The following CEP290 variants were observed in gnomAD, a reference collection of about 807,000 sequenced individuals.
CEP290 encodes the protein centrosomal protein of 290 kDa.
A neutral mutation model predicts 344.9 loss-of-function variants in CEP290; 317 were observed. The observed-to-expected ratio is 0.92, with a 90% CI of 0.84 to 1.01. The LOEUF is 1.01. CEP290 is among the 50% of genes least tolerant of loss of function. CEP290 has a pLI of 0.00. For missense variants in CEP290, 2,754 were observed against 2,761.4 expected (o/e 1.00, Z 0.06); for synonymous variants, 932 against 895.8 (o/e 1.04, Z -0.72).
Position 88,080,206 on chromosome 12 carries a change from T to C in CEP290, c.5202A>G (p.Leu1734=). ...CTTTCTGTTGTTTCTCCTTCAAGGCTAATTGGCTCTTTAGCCGTTCTACTA... is the reference window on the plus strand; with the variant it reads ...CTTTCTGTTGTTTCTCCTTCAAGGCCAATTGGCTCTTTAGCCGTTCTACTA... The part of the protein sequence containing the change: ...RNLVERLKSQ[L]ALKEKQQKAL... Residue 1734 remains leucine (L), a synonymous_variant, in exon 38 of 54, where the codon TTA becomes TTG. Coordinates refer to ENST00000552810, the MANE Select transcript of CEP290 (RefSeq NM_025114.4). The C allele has an allele frequency of 6.2e-7, 1 of 1,610,092 alleles. No homozygotes were observed. The highest frequency in any genetic ancestry group is 8.5e-7 in the Non-Finnish European group (1 of 1,177,766).
At chr12:88,127,792 A>C (rs1374646505) in intron 11 of CEP290, among the ~76,000 whole-genome samples, 1 of 152,220 alleles carries the variant, frequency 6.6e-6, no homozygotes, top group Non-Finnish European at 1.5e-5. Context: ...AACAGTTTAC[A>C]ACCCCAAAAT....
chr12:88,118,393 A>G (rs900488664), intron 17 of CEP290, 90 bp downstream of exon 17: 1 of 1,039,274 alleles, frequency 9.6e-7, no homozygotes, highest in Non-Finnish European at 1.4e-6. Flanking sequence ...ACAATAGAAC[A>G]GCAAAAACAG....
At chr12:88,094,107 C>G (rs575308080) in intron 27 of CEP290, 132 bp from the exon 28 acceptor site, 5 of 659,664 alleles carry the variant, frequency 7.6e-6, no homozygotes, top group African/African-American at 7.3e-5. Context: ...TCCATCAGAC[C>G]TGGACTCTAA....
At chr12:88,090,553 C>A (rs1465860066) in intron 30 of CEP290, among the ~76,000 whole-genome samples, 175 bp downstream of exon 30, 1 of 152,126 alleles carries the variant, frequency 6.6e-6, no homozygotes, top group Non-Finnish European at 1.5e-5. Flanking sequence ...TCACCTGAAC[C>A]CAGGTGGTGA....
chr12:88,077,077 T>C, intron 41 of CEP290, 145 bp downstream of exon 41: 1 of 702,410 alleles, frequency 1.4e-6, no homozygotes, highest in Non-Finnish European at 2.1e-6. Flanking sequence ...CGTTATTCAA[T>C]ACTGCTTATA....
chr12:88,050,031 A>T (rs2136559033), intron 53 of CEP290: 2 of 205,672 alleles, frequency 9.7e-6, no homozygotes, highest in South Asian at 1.9e-4. Flanking sequence ...GGGAACTATA[A>T]CCTTAGGATT....
At position 88,117,092 on chromosome 12, in the gene CEP290, T is replaced by A. The variant is rs770829686; in HGVS notation, c.1765A>T (p.Ile589Leu). The change falls in exon 18 of 54, where the codon ATA (isoleucine) becomes TTA (leucine). Residue 589 changes from isoleucine (I) to leucine (L), a missense_variant. Coordinates refer to ENST00000552810, the MANE Select transcript of CEP290 (RefSeq NM_025114.4). The stretch of plus-strand genomic sequence containing the variant: ...AATAAATCCAATTTTCTTTCACTTA[T>A]TCTATCTCCTTGAGAAATGTTTTCA... Reference protein sequence around the residue: ...LTENISQGDRISERKLDLLSL... With the variant: ...LTENISQGDRLSERKLDLLSL... 2.0e-5 allele frequency: 31 copies of A among 1,562,036 alleles called. No homozygotes were observed. Among genetic ancestry groups the A allele is most frequent in the African/African-American group, 2.7e-5 (2 of 73,870 alleles).
chr12:88,057,335 G>T (rs2136680561), intron 49 of CEP290, among the ~76,000 whole-genome samples: 1 of 152,244 alleles, frequency 6.6e-6, no homozygotes, highest in South Asian at 2.1e-4. Context: ...CCAACATAAA[G>T]CAGAGTCTGG....
Position 88,129,891 on chromosome 12 carries a change from G to T in CEP290, c.670-15C>A. On this transcript the variant is annotated splice_polypyrimidine_tract_variant and intron_variant, in intron 9 of 53. Coordinates refer to ENST00000552810, the MANE Select transcript of CEP290 (RefSeq NM_025114.4). ...TCTGTTAAAGTCTAAAAAAGTTAAA[G>T]ACACTATAATTAAAAAGTAATTTTA... is the stretch of plus-strand genomic sequence containing the variant. 7.3e-7 allele frequency: 1 copy of T among 1,369,730 alleles called. No homozygotes were observed. The highest frequency in any genetic ancestry group is 1.5e-5 in the South Asian group (1 of 66,032). 84.8% of individuals were successfully genotyped at this position (1,369,730 alleles called of 1,614,324 possible).
rs767184164 is a variant in CEP290 at position 88,131,154 on chromosome 12, A to C, written c.495+11T>G. On this transcript the variant is annotated intron_variant, in intron 7 of 53. Coordinates refer to ENST00000552810, the MANE Select transcript of CEP290 (RefSeq NM_025114.4). ...CTTTGTTGAACCACCACAACTACTA[A>C]AATTTTTTACCTCTCTTCTTAATTT... is the stretch of plus-strand genomic sequence containing the variant. 6.6e-7 allele frequency: 1 copy of C among 1,510,586 alleles called. No homozygotes were observed. 93.6% of individuals were successfully genotyped at this position (1,510,586 alleles called of 1,614,324 possible).
At chr12:88,053,979 C>A (rs1021912695) in intron 51 of CEP290, among the ~76,000 whole-genome samples, 1 of 152,044 alleles carries the variant, frequency 6.6e-6, no homozygotes, top group African/African-American at 2.4e-5. Flanking sequence ...AGTGTGGTTT[C>A]GTTATAAGAG....
intron 32 of CEP290, 134 bp from the exon 33 acceptor site, chr12:88,086,632 A>T: frequency 1.6e-6 from 1 of 609,708 alleles, no homozygotes; most frequent in Non-Finnish European, 2.7e-6. Flanking sequence ...TTATGGAAAA[A>T]AATACAAACT....
Position 88,106,981 on chromosome 12 carries a change from A to G in CEP290, c.2586+15T>C. ...GTACAATATTGCATACTAATGTTAA[A>G]AATGTTTTACTTACATTATATTCTT... On this transcript the variant is annotated intron_variant, in intron 24 of 53. Transcript: ENST00000552810. The G allele has an allele frequency of 1.3e-6, 2 of 1,537,386 alleles. No homozygotes were observed. The highest frequency in any genetic ancestry group is 1.8e-6 in the Non-Finnish European group (2 of 1,136,706).
chr12:88,128,860 T>G, intron 11 of CEP290, 86 bp downstream of exon 11: 1 of 734,394 alleles, frequency 1.4e-6, no homozygotes, highest in Non-Finnish European at 2.1e-6. Context: ...TATAAACCAG[T>G]ATAAGACATT....
chr12:88,130,030 T>C (rs949240605), intron 9 of CEP290, among the ~76,000 whole-genome samples, 154 bp from the exon 10 acceptor site: 3 of 152,016 alleles, frequency 2.0e-5, no homozygotes, highest in Admixed American at 2.0e-4. Flanking sequence ...TTAAATCAAA[T>C]TGAATCAAGA....
At chr12:88,086,345 C>T (rs750464128) in intron 33 of CEP290, 46 bp downstream of exon 33, 1 of 1,507,588 alleles carries the variant, frequency 6.6e-7, no homozygotes, top group South Asian at 1.3e-5. Context: ...TGAGTTAACA[C>T]TCTAGACTAT....
intron 15 of CEP290, among the ~76,000 whole-genome samples, chr12:88,118,960 A>C (rs1015384918): frequency 1.3e-5 from 2 of 152,204 alleles, no homozygotes; most frequent in African/African-American, 4.8e-5. Flanking sequence ...ACCTAAATGA[A>C]ATTATAAACC....
At chr12:88,087,528 G>T (rs1050650280) in intron 32 of CEP290, among the ~76,000 whole-genome samples, 23 of 151,800 alleles carry the variant, frequency 1.5e-4, no homozygotes, top group African/African-American at 5.3e-4. Flanking sequence ...AGACCATCCT[G>T]GCTAATATGG....
At chr12:88,085,037 T>C (rs2036475911) in intron 34 of CEP290, among the ~76,000 whole-genome samples, 185 bp from the exon 35 acceptor site, 1 of 152,166 alleles carries the variant, frequency 6.6e-6, no homozygotes, top group African/African-American at 2.4e-5. Flanking sequence ...GTTATTTGCA[T>C]GCTTATTTAT....
Sources: gnomAD v4.1 joint callset for allele counts (sites outside exome capture counted in the v4.1 genomes callset) on GRCh38, gnomAD v4.1.1 for gene constraint, MANE v1.5 for transcripts, NCBI Gene and HGNC (gene_info 2026-07-23, HGNC 2026-07-21) for gene names.